AIG1: variants seen among roughly 807,000 people sequenced by gnomAD.
AIG1 encodes androgen-induced gene 1 protein.
A neutral mutation model predicts 31.4 loss-of-function variants in AIG1; 23 were observed. The ratio of observed to expected loss-of-function variants is 0.73; its 90% CI spans 0.53 to 1.04. The LOEUF (loss-of-function observed/expected upper bound fraction) is 1.04, where lower values mean the gene tolerates loss of function less well. Among genes scored for constraint, AIG1 ranks in the 50% least tolerant of loss-of-function variants. The pLI is 0.00. For synonymous variants in AIG1, 100 were observed against 110.5 expected (o/e 0.90, Z 0.60); for missense variants, 274 against 295.0 (o/e 0.93, Z 0.52).
intron 1 of AIG1, among the ~76,000 whole-genome samples, chr6:143,135,470 T>C (rs3804535): frequency 0.11 from 16,772 of 152,196 alleles, 1,575 homozygotes; most frequent in East Asian, 0.44. Flanking sequence ...GCCAACACTT[T>C]TATTGTGTCG....
chr6:143,292,650 A>G lies in AIG1; in HGVS notation c.515+8425A>G, dbSNP rs758865076. 6.6e-6 allele frequency among the ~76,000 whole-genome samples: 1 copy of G among 152,222 alleles called. No homozygotes were observed. Among genetic ancestry groups the G allele is most frequent in the South Asian group, 2.1e-4 (1 of 4,834 alleles). On this transcript the variant is annotated intron_variant, in intron 4 of 5. Transcript: ENST00000357847. This position sits in a 1 kb window ranked among gnomAD's most constrained non-coding sequence, Gnocchi z 4.9. ...TGAATATGTGTTGTTTTAAGCCACA[A>G]GTCTGTGGCAATGTGTCATAGTAGC...
At chr6:143,257,392 A>T (rs1795444774) in intron 3 of AIG1, among the ~76,000 whole-genome samples, 1 of 152,266 alleles carries the variant, frequency 6.6e-6, no homozygotes, top group African/African-American at 2.4e-5. Flanking sequence ...TTCTCGAACA[A>T]ATGAGGAAAT....
At chr6:143,152,385 T>A (rs1366181645) in intron 2 of AIG1, among the ~76,000 whole-genome samples, 1 of 152,092 alleles carries the variant, frequency 6.6e-6, no homozygotes, top group Non-Finnish European at 1.5e-5. Context: ...ATTTAAAAAA[T>A]GAGAAAGAAA....
intron 3 of AIG1, among the ~76,000 whole-genome samples, chr6:143,184,268 T>C (rs1364764476): frequency 2.0e-5 from 3 of 152,200 alleles, no homozygotes; most frequent in Admixed American, 6.5e-5. Flanking sequence ...CTTCATCCAT[T>C]CAGCAAGATT....
chr6:143,065,544 G>T (rs1003936374), intron 1 of AIG1, among the ~76,000 whole-genome samples: 3 of 152,104 alleles, frequency 2.0e-5, no homozygotes, highest in African/African-American at 7.2e-5. Context: ...TAATAAAGAA[G>T]AATTAGGATA....
intron 1 of AIG1, among the ~76,000 whole-genome samples, chr6:143,074,860 A>G (rs1777595961): frequency 6.6e-6 from 1 of 152,104 alleles, no homozygotes; most frequent in Non-Finnish European, 1.5e-5. Flanking sequence ...TGATATTAGG[A>G]TATGTTGGCC....
At chr6:143,252,651 G>C (rs377472263) in intron 3 of AIG1, among the ~76,000 whole-genome samples, 1 of 152,334 alleles carries the variant, frequency 6.6e-6, no homozygotes, top group East Asian at 1.9e-4. Context: ...AGAATGGTTA[G>C]ATGTCTACGT....
At position 143,258,329 on chromosome 6, in the gene AIG1, A is replaced by G. The variant is rs1287673576; in HGVS notation, c.400-25781A>G. 2.6e-5 allele frequency among the ~76,000 whole-genome samples: 4 copies of G among 152,136 alleles called. No individual in the cohort carries two copies. The East Asian group carries it at 7.8e-4, about 30-fold the overall frequency. Reference sequence around the variant, plus strand: ...TTCAGCCTCTTCATGAATTTTGTGAACAATCACCAGCATATTATAATTCAA... The same window carrying G: ...TTCAGCCTCTTCATGAATTTTGTGAGCAATCACCAGCATATTATAATTCAA... On this transcript the variant is annotated intron_variant, in intron 3 of 5. Coordinates refer to ENST00000357847, the MANE Select transcript of AIG1 (RefSeq NM_016108.4). This position sits in a 1 kb window ranked among gnomAD's most constrained non-coding sequence, Gnocchi z 4.7.
intron 3 of AIG1, among the ~76,000 whole-genome samples, chr6:143,250,627 C>A (rs775082118): frequency 6.6e-6 from 1 of 152,204 alleles, no homozygotes; most frequent in Non-Finnish European, 1.5e-5. Context: ...GTTAGACACA[C>A]ATTGAGCAGG....
chr6:143,092,348 G>C (rs111292275), intron 1 of AIG1, among the ~76,000 whole-genome samples: 45 of 149,798 alleles, frequency 3.0e-4, no homozygotes, highest in African/African-American at 1.0e-3. Flanking sequence ...CAAACTCCTG[G>C]GCTCAGGCAG....
At chr6:143,125,912 C>T (rs1299601557) in intron 1 of AIG1, among the ~76,000 whole-genome samples, 6 of 152,118 alleles carry the variant, frequency 3.9e-5, no homozygotes, top group Admixed American at 3.9e-4. Flanking sequence ...CCTGTTTCAT[C>T]GATTTTCAGT....
intron 3 of AIG1, among the ~76,000 whole-genome samples, chr6:143,224,868 G>A (rs1335757992): frequency 6.6e-6 from 1 of 151,880 alleles, no homozygotes; most frequent in Non-Finnish European, 1.5e-5. Context: ...CATTTTTCCC[G>A]TCTAATAGAT....
chr6:143,067,900 T>C (rs1776869922), intron 1 of AIG1, among the ~76,000 whole-genome samples: 1 of 152,198 alleles, frequency 6.6e-6, no homozygotes, highest in African/African-American at 2.4e-5. Flanking sequence ...CCCTAAAATA[T>C]GCATATAAAC....
At chr6:143,196,685 AG>A (rs1356052120) in intron 3 of AIG1, among the ~76,000 whole-genome samples, 1 of 152,158 alleles carries the variant, frequency 6.6e-6, no homozygotes, top group Non-Finnish European at 1.5e-5. Context: ...ATATGCATCT[AG>A]GAACCAAGAA....
intron 4 of AIG1, among the ~76,000 whole-genome samples, chr6:143,287,379 T>C (rs1797758743): frequency 1.3e-5 from 2 of 152,060 alleles, no homozygotes; most frequent in Non-Finnish European, 2.9e-5. Flanking sequence ...TACAGGGAAG[T>C]ATGCTGAAGT....
In AIG1 at chr6:143,284,128, T is replaced by G; in HGVS notation, c.418T>G (p.Phe140Val). The change falls in exon 4 of 6, where the codon TTT becomes GTT. Residue 140 changes from phenylalanine to valine, a missense_variant. By Grantham distance (50) the Phe-to-Val change is conservative. Coordinates refer to ENST00000357847, the MANE Select transcript of AIG1 (RefSeq NM_016108.4). The surrounding 1 kb of genome is among the most constrained non-coding windows in gnomAD (Gnocchi z 4.4). ...NHGMHTTVLP[F>V]ILIEMRTSHH... ...TTTCCAGCACACGACGGTTCTGCCC[T>G]TTATATTAATCGAGATGAGGACATC... 6.2e-7 allele frequency: 1 copy of G among 1,613,918 alleles called. No individual in the cohort carries two copies. Among genetic ancestry groups the G allele is most frequent in the Non-Finnish European group, 8.5e-7 (1 of 1,179,838 alleles).
At chr6:143,234,070 A>G (rs1793638573) in intron 3 of AIG1, among the ~76,000 whole-genome samples, 1 of 152,104 alleles carries the variant, frequency 6.6e-6, no homozygotes, top group South Asian at 2.1e-4. Flanking sequence ...TGGTGCTTGA[A>G]CGGCAGGCAA....
chr6:143,060,142 T>G (rs1000540473), upstream of AIG1, among the ~76,000 whole-genome samples: 1 of 152,224 alleles, frequency 6.6e-6, no homozygotes, highest in African/African-American at 2.4e-5. Context: ...TTGTCCAAAG[T>G]TCATATTCTA....
chr6:143,186,938 C>T (rs1053654545), intron 3 of AIG1: 28 of 174,560 alleles, frequency 1.6e-4, no homozygotes, highest in Middle Eastern at 2.9e-3. Flanking sequence ...TACAGAATAC[C>T]GTGCCTGCCA....
Sources: gnomAD v4.1 joint callset for allele counts (sites outside exome capture counted in the v4.1 genomes callset) on GRCh38, gnomAD v4.1.1 for gene constraint, Gnocchi (gnomAD v3.1) non-coding constraint, MANE v1.5 for transcripts, NCBI Gene and HGNC (gene_info 2026-07-23, HGNC 2026-07-21) for gene names.